PTPN11: variants seen among roughly 807,000 people sequenced by gnomAD.
PTPN11 encodes the protein protein tyrosine phosphatase non-receptor type 11, also known as tyrosine-protein phosphatase non-receptor type 11.
A neutral mutation model predicts 78.8 loss-of-function variants in PTPN11; 6 were observed. The observed-to-expected ratio is 0.08, with a 90% CI of 0.04 to 0.15. The LOEUF is 0.15. Among genes scored for constraint, PTPN11 ranks in the 10% least tolerant of loss-of-function variants. The probability of loss-of-function intolerance (pLI) is 1.00; values close to 1 mark genes in which losing one functional copy is unlikely to be tolerated. For missense variants in PTPN11, 386 were observed against 744.8 expected (o/e 0.52, Z 5.61); for synonymous variants, 221 against 263.5 (o/e 0.84, Z 1.56).
At chr12:112,437,400 A>G (rs1283549633) in intron 1 of PTPN11, among the ~76,000 whole-genome samples, 1 of 151,908 alleles carries the variant, frequency 6.6e-6, no homozygotes, top group Non-Finnish European at 1.5e-5. Flanking sequence ...ACCTTAAGTG[A>G]TCCACCCGCC....
At chr12:112,442,689 T>C (rs1444384798) in intron 1 of PTPN11, among the ~76,000 whole-genome samples, 1 of 149,986 alleles carries the variant, frequency 6.7e-6, no homozygotes, top group Non-Finnish European at 1.5e-5. Flanking sequence ...TGACCTCAGG[T>C]GGTCCACCTG....
At chr12:112,481,460 C>T (rs144271655) in intron 9 of PTPN11, among the ~76,000 whole-genome samples, 2 of 152,178 alleles carry the variant, frequency 1.3e-5, no homozygotes, top group African/African-American at 2.4e-5. Context: ...CCCACTTCTG[C>T]CTGGTCTTCC....
At chr12:112,501,592 A>G (rs1387834102) in intron 13 of PTPN11, among the ~76,000 whole-genome samples, 2 of 152,188 alleles carry the variant, frequency 1.3e-5, no homozygotes, top group Admixed American at 6.5e-5. Context: ...GCCACTGCAC[A>G]CTAGCCTGAA....
intron 1 of PTPN11, among the ~76,000 whole-genome samples, chr12:112,424,769 C>T (rs2135825448): frequency 6.6e-6 from 1 of 152,084 alleles, no homozygotes; most frequent in Middle Eastern, 3.4e-3. Context: ...CTCACGACCT[C>T]AGCTCACTGC....
chr12:112,445,055 GTA>G (rs1477400052), intron 1 of PTPN11, among the ~76,000 whole-genome samples: 10 of 151,030 alleles, frequency 6.6e-5, no homozygotes, highest in Admixed American at 2.6e-4. Flanking sequence ...GTGTGTGTGT[GTA>G]TATATATATG....
At chr12:112,502,393 T>G in intron 14 of PTPN11, 137 bp downstream of exon 14, 1 of 768,412 alleles carries the variant, frequency 1.3e-6, no homozygotes, top group Non-Finnish European at 2.4e-6. Context: ...CTACTGTTAG[T>G]GTATCTGTGA....
chr12:112,425,551 T>G (rs1432368561), intron 1 of PTPN11, among the ~76,000 whole-genome samples: 2 of 152,184 alleles, frequency 1.3e-5, no homozygotes, highest in Admixed American at 6.6e-5. Context: ...GAAATTAGAC[T>G]TTATACATTT....
At chr12:112,437,374 T>C (rs1186865087) in intron 1 of PTPN11, among the ~76,000 whole-genome samples, 1 of 152,116 alleles carries the variant, frequency 6.6e-6, no homozygotes, top group African/African-American at 2.4e-5. Flanking sequence ...TTGGCCAGGC[T>C]GGTCTCGAAC....
intron 1 of PTPN11, among the ~76,000 whole-genome samples, chr12:112,427,370 C>A (rs1463161589): frequency 6.6e-6 from 1 of 151,550 alleles, no homozygotes; most frequent in Non-Finnish European, 1.5e-5. Flanking sequence ...CATGGTGAAA[C>A]CCTGTCTCTA....
chr12:112,446,135 G>C (rs1364957037), intron 1 of PTPN11, 141 bp from the exon 2 acceptor site: 2 of 1,037,504 alleles, frequency 1.9e-6, no homozygotes, highest in Non-Finnish European at 2.9e-6. Context: ...AGGAGAAGAG[G>C]GGGAAGGGAC....
intron 6 of PTPN11, among the ~76,000 whole-genome samples, chr12:112,470,156 G>A (rs953048703): frequency 3.9e-5 from 6 of 152,048 alleles, no homozygotes; most frequent in Admixed American, 2.0e-4. Flanking sequence ...TCCTGTCCTC[G>A]AGCAAAAATA....
chr12:112,436,915 A>C (rs2037801721), intron 1 of PTPN11, among the ~76,000 whole-genome samples: 1 of 151,964 alleles, frequency 6.6e-6, no homozygotes, highest in Non-Finnish European at 1.5e-5. Flanking sequence ...TATGGTAATA[A>C]ATGGTAATAA....
At chr12:112,475,441 T>TG (rs147170718) in intron 7 of PTPN11, among the ~76,000 whole-genome samples, 6,367 of 152,028 alleles carry the variant, frequency 0.042, 298 homozygotes, top group African/African-American at 0.12. Flanking sequence ...TATATAGAGA[T>TG]GGGGGGTCTC....
chr12:112,463,273 G>A (rs1269917720), intron 6 of PTPN11, among the ~76,000 whole-genome samples: 2 of 151,952 alleles, frequency 1.3e-5, no homozygotes, highest in Non-Finnish European at 2.9e-5. Context: ...AAGAGACAGG[G>A]TCTTGCTATG....
intron 6 of PTPN11, among the ~76,000 whole-genome samples, chr12:112,471,643 G>T (rs181156725): frequency 6.7e-6 from 1 of 149,898 alleles, no homozygotes; most frequent in East Asian, 2.0e-4. Context: ...TTGTTTCATT[G>T]TAGAAAATTT....
intron 6 of PTPN11, 125 bp downstream of exon 6, chr12:112,456,188 C>G (rs1260667194): frequency 5.5e-6 from 4 of 721,472 alleles, no homozygotes; most frequent in Non-Finnish European, 1.0e-5. Context: ...TTAATTCGGC[C>G]ATTGATTGAC....
chr12:112,490,721 A>C (rs1357391275), intron 13 of PTPN11, among the ~76,000 whole-genome samples: 1 of 152,214 alleles, frequency 6.6e-6, no homozygotes, highest in African/African-American at 2.4e-5. Context: ...TGCTGGGATT[A>C]CAAGTGTGAG....
intron 1 of PTPN11, among the ~76,000 whole-genome samples, chr12:112,437,402 C>T (rs1442255844): frequency 6.6e-6 from 1 of 152,016 alleles, no homozygotes; most frequent in Non-Finnish European, 1.5e-5. Flanking sequence ...CTTAAGTGAT[C>T]CACCCGCCTT....
intron 1 of PTPN11, among the ~76,000 whole-genome samples, chr12:112,442,797 T>G (rs1366948108): frequency 7.4e-6 from 1 of 135,224 alleles, no homozygotes; most frequent in East Asian, 2.0e-4. Context: ...ACCTGTACCA[T>G]GTTTACTCTC....
Sources: allele counts gnomAD v4.1 joint callset (sites outside exome capture counted in the v4.1 genomes callset), GRCh38; gene constraint gnomAD v4.1.1; transcripts MANE v1.5; gene names NCBI Gene and HGNC (gene_info 2026-07-23, HGNC 2026-07-21).